The following DPP10 variants were observed in gnomAD, a reference collection of about 807,000 sequenced individuals.
DPP10 encodes the protein dipeptidyl peptidase like 10.
Under a neutral mutation model 120.9 loss-of-function variants are expected in DPP10, and 33 were observed. The ratio of observed to expected loss-of-function variants is 0.27; its 90% confidence interval spans 0.21 to 0.37. DPP10 has a LOEUF of 0.37. Among genes scored for constraint, DPP10 ranks in the 10% least tolerant of loss-of-function variants. DPP10 has a pLI of 1.00. For synonymous variants in DPP10, 337 were observed against 326.1 expected (o/e 1.03, Z -0.36); for missense variants, 816 against 942.8 (o/e 0.87, Z 1.76).
chr2:115,141,296 G>A (rs1021170551), intron 1 of DPP10, among the ~76,000 whole-genome samples: 1 of 152,088 alleles, frequency 6.6e-6, no homozygotes, highest in African/African-American at 2.4e-5. Context: ...TCATAAATCG[G>A]CAATTTAGGC....
At chr2:115,667,931 ATATT>A (rs1166769930) in intron 5 of DPP10, among the ~76,000 whole-genome samples, 1 of 152,070 alleles carries the variant, frequency 6.6e-6, no homozygotes, top group Non-Finnish European at 1.5e-5. Flanking sequence ...AATCATCTAT[ATATT>A]AAATTTCACA....
At chr2:115,805,559 G>A (rs1441032952) in intron 19 of DPP10, among the ~76,000 whole-genome samples, 1 of 150,148 alleles carries the variant, frequency 6.7e-6, no homozygotes, top group South Asian at 2.1e-4. Flanking sequence ...GTTCCTATTC[G>A]GCCATCTTGG....
At chr2:115,167,183 G>A (rs2052940372) in intron 1 of DPP10, among the ~76,000 whole-genome samples, 1 of 151,142 alleles carries the variant, frequency 6.6e-6, no homozygotes. Flanking sequence ...ATATGTAGGA[G>A]TTTTTGAATA....
intron 5 of DPP10, among the ~76,000 whole-genome samples, chr2:115,635,917 T>C (rs1420525484): frequency 6.6e-6 from 1 of 152,206 alleles, no homozygotes; most frequent in Admixed American, 6.5e-5. Context: ...TGTTTAAGAA[T>C]AGAATATTCA....
chr2:114,916,730 C>T (rs1482675249), intron 1 of DPP10, among the ~76,000 whole-genome samples: 2 of 152,166 alleles, frequency 1.3e-5, no homozygotes, highest in Admixed American at 1.3e-4. Context: ...ACATGATTAT[C>T]TCAATAAATG....
At position 115,780,902 on chromosome 2, in the gene DPP10, C is replaced by G. The variant is rs748703884; in HGVS notation, c.1390C>G (p.Gln464Glu). 1.2e-6 allele frequency: 2 copies of G among 1,603,280 alleles called. No homozygotes were observed. Among genetic ancestry groups the G allele is most frequent in the East Asian group, 4.5e-5 (2 of 44,558 alleles). ...TTCTACTGAAGGATTATTGAATCGC[C>G]AATGCATTTCATGTAATTTCATGAA... ...SASTEGLLNR[Q>E]CISCNFMKEQ... The change falls in exon 16 of 26, where the codon CAA (glutamine) becomes GAA (glutamate). Residue 464 changes from glutamine (Q) to glutamate (E), a missense_variant. Physicochemically the swap from Gln to Glu is conservative, Grantham distance 29 (BLOSUM62 2). Coordinates refer to ENST00000410059, the MANE Select transcript of DPP10 (RefSeq NM_020868.6).
At chr2:115,796,741 T>C (rs1489492370) in intron 19 of DPP10, among the ~76,000 whole-genome samples, 2 of 152,108 alleles carry the variant, frequency 1.3e-5, no homozygotes, top group Non-Finnish European at 2.9e-5. Context: ...TTTATTGTTA[T>C]TGTGCAAAGA....
intron 3 of DPP10, among the ~76,000 whole-genome samples, chr2:115,467,011 A>G (rs2074368997): frequency 1.3e-5 from 2 of 152,154 alleles, no homozygotes; most frequent in Non-Finnish European, 2.9e-5. Flanking sequence ...CCTCAAGAAA[A>G]AGAGAAAACT....
At chr2:115,229,920 C>T (rs191750155) in intron 1 of DPP10, among the ~76,000 whole-genome samples, 3 of 150,190 alleles carry the variant, frequency 2.0e-5, no homozygotes, top group Admixed American at 1.3e-4. Flanking sequence ...TGTGATTCCA[C>T]GTAAATTTTA....
At chr2:114,780,192 C>T (rs968069641) in intron 1 of DPP10, among the ~76,000 whole-genome samples, 3 of 152,076 alleles carry the variant, frequency 2.0e-5, no homozygotes, top group African/African-American at 7.2e-5. Context: ...TTTTCCCTGC[C>T]TTACTCACAG....
At chr2:114,830,089 A>C (rs1686956203) in intron 1 of DPP10, among the ~76,000 whole-genome samples, 1 of 152,080 alleles carries the variant, frequency 6.6e-6, no homozygotes, top group Admixed American at 6.5e-5. Context: ...CCTCACCCTA[A>C]GTAGGTAGGT....
At chr2:115,758,299 A>G (rs1156940141) in intron 11 of DPP10, among the ~76,000 whole-genome samples, 3 of 151,582 alleles carry the variant, frequency 2.0e-5, no homozygotes, top group Non-Finnish European at 2.9e-5. Context: ...AAACAACAAA[A>G]CATAATTTCT....
chr2:114,890,647 C>T (rs1558848940), intron 1 of DPP10, among the ~76,000 whole-genome samples: 1 of 152,196 alleles, frequency 6.6e-6, no homozygotes, highest in South Asian at 2.1e-4. Flanking sequence ...TAGCATCATT[C>T]ATTCCTGAAG....
rs563751916 is a variant in DPP10, at chr2:115,333,347, A to G, written c.176-10470A>G. The stretch of plus-strand genomic sequence containing the variant: ...CATGTGAGATGCGTCTCCTGAATAC[A>G]GTACACTGATGTGTCTTGTCTCTTT... On this transcript the variant is annotated intron_variant, in intron 2 of 25. Coordinates refer to ENST00000410059, the MANE Select transcript of DPP10 (RefSeq NM_020868.6). Among the ~76,000 whole-genome samples the G allele has an allele frequency of 4.1e-4, 62 of 152,258 alleles. 1 individual carries two copies. The South Asian group carries it at 7.9e-3, about 19-fold the overall frequency.
chr2:114,987,927 C>A (rs1700515336), intron 1 of DPP10, among the ~76,000 whole-genome samples: 1 of 151,550 alleles, frequency 6.6e-6, no homozygotes, highest in South Asian at 2.1e-4. Flanking sequence ...CCTCAGTCTC[C>A]CGAGTAGCTG....
chr2:115,701,708 G>A (rs1342365363), intron 7 of DPP10, among the ~76,000 whole-genome samples: 1 of 151,976 alleles, frequency 6.6e-6, no homozygotes, highest in East Asian at 1.9e-4. Flanking sequence ...TCTAAGAAGA[G>A]GTTAATATAG....
At chr2:114,874,478 A>C (rs1212640634) in intron 1 of DPP10, among the ~76,000 whole-genome samples, 1 of 152,050 alleles carries the variant, frequency 6.6e-6, no homozygotes, top group Non-Finnish European at 1.5e-5. Context: ...TAGACTGGAC[A>C]TAAGCAACAT....
intron 1 of DPP10, among the ~76,000 whole-genome samples, chr2:114,845,919 A>G (rs1410985326): frequency 2.0e-5 from 3 of 152,122 alleles, no homozygotes; most frequent in Non-Finnish European, 2.9e-5. Context: ...AGAATAGACC[A>G]TAAGGAGCTT....
chr2:114,554,458 T>C (rs1688130417), intron 1 of DPP10, among the ~76,000 whole-genome samples: 1 of 152,234 alleles, frequency 6.6e-6, no homozygotes, highest in African/African-American at 2.4e-5. Context: ...TGTGATCAGA[T>C]GATGTATGAA....
Sources: gnomAD v4.1 joint callset for allele counts (sites outside exome capture counted in the v4.1 genomes callset) on GRCh38, gnomAD v4.1.1 for gene constraint, MANE v1.5 for transcripts, NCBI Gene and HGNC (gene_info 2026-07-23, HGNC 2026-07-21) for gene names.